The following TRIM44 variants were observed in gnomAD, a reference collection of about 807,000 sequenced individuals.
TRIM44 encodes the protein tripartite motif containing 44.
TRIM44 carries 13 observed loss-of-function variants against 37.4 expected under a neutral mutation model. The observed-to-expected ratio is 0.35, with a 90% CI of 0.23 to 0.55. TRIM44 has a LOEUF of 0.55. Among genes scored for constraint, TRIM44 ranks in the 20% least tolerant of loss-of-function variants. The probability of loss-of-function intolerance (pLI) is 0.89; values close to 1 mark genes in which losing one functional copy is unlikely to be tolerated. For synonymous variants in TRIM44, 175 were observed against 157.2 expected (o/e 1.11, Z -0.85); for missense variants, 426 against 437.2 (o/e 0.97, Z 0.23).
intron 2 of TRIM44, among the ~76,000 whole-genome samples, chr11:35,700,126 G>A (rs1851765958): frequency 6.6e-6 from 1 of 152,202 alleles, no homozygotes; most frequent in Non-Finnish European, 1.5e-5. Flanking sequence ...AACCAAAAAA[G>A]AGCCTGCATT....
intron 4 of TRIM44, among the ~76,000 whole-genome samples, chr11:35,755,823 G>A (rs1177048845): frequency 3.3e-5 from 5 of 152,154 alleles, no homozygotes; most frequent in Admixed American, 2.0e-4. Flanking sequence ...GTAGATATGC[G>A]GCGTTATTTC....
rs1331967476 is a variant in TRIM44 at position 35,768,714 on chromosome 11, A to AGTTATTG, written c.1007+33270_1007+33276dup. 3.1e-4 allele frequency among the ~76,000 whole-genome samples: 47 copies of AGTTATTG among 152,208 alleles called. 1 individual carries two copies. Among genetic ancestry groups the AGTTATTG allele is most frequent in the Non-Finnish European group, 5.9e-5 (4 of 68,032 alleles). On this transcript the variant is annotated intron_variant, in intron 4 of 4. Transcript: ENST00000299413. ...TTCTCCCATGGTGACCTAGTTTGTC[A>AGTTATTG]GTTATTGATGTATGTAATAAAACTA...
At chr11:35,752,994 G>T (rs539356228) in intron 4 of TRIM44, among the ~76,000 whole-genome samples, 6 of 152,224 alleles carry the variant, frequency 3.9e-5, no homozygotes, top group African/African-American at 1.2e-4. Flanking sequence ...GTATTCTCTA[G>T]AGCATAACAG....
rs976145259 is a variant in TRIM44, at chr11:35,765,477, A to C, written c.1007+30032A>C. ...ACCAGTGACTTGAAAAGAACTGTAC[A>C]ACAGTAAGTTGAATGGTGACAGGTA... On this transcript the variant is annotated intron_variant, in intron 4 of 4. Coordinates refer to ENST00000299413, the MANE Select transcript of TRIM44 (RefSeq NM_017583.6). Among the ~76,000 whole-genome samples, 4 of 152,340 alleles carry C rather than the reference A, an allele frequency of 2.6e-5. No homozygotes were observed. The East Asian group carries it at 7.7e-4, about 29-fold the overall frequency.
intron 2 of TRIM44, among the ~76,000 whole-genome samples, chr11:35,708,992 C>CG (rs1851930094): frequency 8.5e-6 from 1 of 118,192 alleles, no homozygotes; most frequent in Non-Finnish European, 1.8e-5. Flanking sequence ...GCCCCCCCCC[C>CG]AAAAAAAAAG....
At chr11:35,796,404 G>A (rs1853290867) in intron 4 of TRIM44, among the ~76,000 whole-genome samples, 1 of 152,198 alleles carries the variant, frequency 6.6e-6, no homozygotes, top group East Asian at 1.9e-4. Flanking sequence ...AGCAGCTGAG[G>A]CAACAGGAAA....
chr11:35,785,293 C>T (rs1488483827), intron 4 of TRIM44, among the ~76,000 whole-genome samples: 1 of 152,214 alleles, frequency 6.6e-6, no homozygotes, highest in African/African-American at 2.4e-5. Flanking sequence ...GAGGAGATGG[C>T]CCCACTGTTG....
intron 4 of TRIM44, among the ~76,000 whole-genome samples, chr11:35,801,009 C>G (rs528431113): frequency 1.3e-5 from 2 of 152,280 alleles, no homozygotes; most frequent in South Asian, 4.1e-4. Flanking sequence ...AAGTTCAGAT[C>G]CCTTAAAGCA....
chr11:35,730,674 A>G (rs760133338), intron 3 of TRIM44, among the ~76,000 whole-genome samples: 2 of 152,180 alleles, frequency 1.3e-5, no homozygotes, highest in South Asian at 2.1e-4. Context: ...CTGTTTTTAC[A>G]TGCTCTCAGA....
chr11:35,747,613 C>T (rs572309434), intron 4 of TRIM44, among the ~76,000 whole-genome samples: 4 of 152,124 alleles, frequency 2.6e-5, no homozygotes, highest in African/African-American at 9.6e-5. Context: ...TTTTCATTTT[C>T]TTTGTTGAAT....
At chr11:35,687,808 T>C (rs1471695773) in intron 2 of TRIM44, among the ~76,000 whole-genome samples, 1 of 152,206 alleles carries the variant, frequency 6.6e-6, no homozygotes, top group Non-Finnish European at 1.5e-5. Flanking sequence ...GACTTGATCT[T>C]GGGTGTGTGT....
intron 1 of TRIM44, among the ~76,000 whole-genome samples, chr11:35,666,060 T>G (rs1171328011): frequency 6.6e-6 from 1 of 152,212 alleles, no homozygotes; most frequent in African/African-American, 2.4e-5. Context: ...CTTGTTCTAC[T>G]TAGTATTGAT....
chr11:35,771,442 T>G (rs1332956451), intron 4 of TRIM44, among the ~76,000 whole-genome samples: 1 of 152,132 alleles, frequency 6.6e-6, no homozygotes, highest in Non-Finnish European at 1.5e-5. Flanking sequence ...GCATTTAGTT[T>G]TGGATGCGCA....
chr11:35,677,853 A>G (rs796512599), intron 1 of TRIM44, among the ~76,000 whole-genome samples: 1 of 152,202 alleles, frequency 6.6e-6, no homozygotes, highest in South Asian at 2.1e-4. Flanking sequence ...ACTGTGAATA[A>G]ACAAACTGGG....
chr11:35,700,036 A>T (rs1851764127), intron 2 of TRIM44, among the ~76,000 whole-genome samples: 2 of 152,204 alleles, frequency 1.3e-5, no homozygotes, highest in Admixed American at 1.3e-4. Context: ...AAGGTAATTT[A>T]TAGATTCAAT....
At chr11:35,673,506 A>G (rs550867633) in intron 1 of TRIM44, among the ~76,000 whole-genome samples, 1 of 152,266 alleles carries the variant, frequency 6.6e-6, no homozygotes, top group East Asian at 1.9e-4. Flanking sequence ...AGGGAATATG[A>G]GATTATTTTA....
intron 4 of TRIM44, among the ~76,000 whole-genome samples, chr11:35,750,477 A>T (rs1349025401): frequency 6.6e-6 from 1 of 152,196 alleles, no homozygotes; most frequent in African/African-American, 2.4e-5. Context: ...AAGTTTCCAA[A>T]GGCCACCTTC....
At chr11:35,674,582 A>T (rs1272223182) in intron 1 of TRIM44, among the ~76,000 whole-genome samples, 6 of 152,244 alleles carry the variant, frequency 3.9e-5, no homozygotes, top group Non-Finnish European at 7.3e-5. Context: ...GGTTTTTAAC[A>T]TCAATAAGAA....
Position 35,663,473 on chromosome 11 carries a change from G to C in TRIM44, c.362G>C (p.Ser121Thr), listed in dbSNP as rs757371265. The C allele has an allele frequency of 6.4e-7, 1 of 1,566,632 alleles. No homozygotes were observed. Among genetic ancestry groups the C allele is most frequent in the Non-Finnish European group, 8.7e-7 (1 of 1,155,158 alleles). Residue 121 changes from serine (S) to threonine (T), a missense_variant, in exon 1 of 5, where the codon AGC becomes ACC. Coordinates refer to ENST00000299413, the MANE Select transcript of TRIM44 (RefSeq NM_017583.6). ...SETEEESEDE[S>T]DEESEEDSEE... Reference sequence around the variant, plus strand: ...ACAGAGGAAGAGAGTGAGGATGAGAGCGATGAGGAGAGTGAAGAAGACAGC... The same window carrying C: ...ACAGAGGAAGAGAGTGAGGATGAGACCGATGAGGAGAGTGAAGAAGACAGC...
Sources: allele counts gnomAD v4.1 joint callset (sites outside exome capture counted in the v4.1 genomes callset), GRCh38; gene constraint gnomAD v4.1.1; transcripts MANE v1.5; gene names NCBI Gene and HGNC (gene_info 2026-07-23, HGNC 2026-07-21).